DSE: variants seen among roughly 807,000 people sequenced by gnomAD.
DSE encodes the protein dermatan sulfate epimerase.
In DSE, 36 loss-of-function variants were observed where a neutral mutation model predicts 84.4. The observed-to-expected ratio is 0.43, with a 90% CI of 0.33 to 0.56. The LOEUF (loss-of-function observed/expected upper bound fraction) is 0.56, where lower values mean the gene tolerates loss of function less well. DSE is among the 20% of genes least tolerant of loss of function. The probability of loss-of-function intolerance (pLI) is 0.06; values close to 1 mark genes in which losing one functional copy is unlikely to be tolerated. For missense variants in DSE, 862 were observed against 1,169.6 expected, an observed-to-expected ratio of 0.74 and a Z score of 3.84; for synonymous variants, 410 against 430.1, an observed-to-expected ratio of 0.95 and a Z score of 0.58.
intron 2 of DSE, among the ~76,000 whole-genome samples, chr6:116,329,003 A>G (rs1380192770): frequency 2.0e-5 from 3 of 152,222 alleles, no homozygotes; most frequent in African/African-American, 7.2e-5. Context: ...TGGCAGTTCC[A>G]AGCAATATCA....
chr6:116,312,032 G>T (rs1173199028), intron 2 of DSE, among the ~76,000 whole-genome samples: 1 of 152,138 alleles, frequency 6.6e-6, no homozygotes, highest in Admixed American at 6.6e-5. Context: ...TAAGAGAGTA[G>T]AAGTACCACC....
chr6:116,398,207 A>T (rs931895875), intron 1 of DSE, among the ~76,000 whole-genome samples: 6 of 152,182 alleles, frequency 3.9e-5, no homozygotes, highest in Admixed American at 2.6e-4. Context: ...TGCCTGCTTT[A>T]TCCCAGATGT....
chr6:116,370,858 T>TC, upstream of DSE: 3 of 985,426 alleles, frequency 3.0e-6, no homozygotes, highest in Non-Finnish European at 2.4e-6. Flanking sequence ...TGCGGTTTCC[T>TC]CCCCCCTCCA....
At chr6:116,426,182 T>G (rs865826377) in intron 2 of DSE, among the ~76,000 whole-genome samples, 32 of 152,312 alleles carry the variant, frequency 2.1e-4, no homozygotes, top group African/African-American at 7.0e-4. Context: ...AGAATAGAAC[T>G]GAGAGCATCT....
intron 1 of DSE, among the ~76,000 whole-genome samples, chr6:116,390,837 T>C (rs1780857840): frequency 1.3e-5 from 2 of 152,226 alleles, no homozygotes; most frequent in Non-Finnish European, 2.9e-5. Flanking sequence ...CTACCCTCGT[T>C]TCCCTTTGCC....
chr6:116,291,881 C>G (rs959920470), intron 2 of DSE, among the ~76,000 whole-genome samples: 5 of 152,026 alleles, frequency 3.3e-5, no homozygotes, highest in African/African-American at 1.2e-4. Context: ...TTAAGGAAGA[C>G]TGATTTGTTT....
At chr6:116,405,811 C>G (rs985653021) in intron 2 of DSE, among the ~76,000 whole-genome samples, 1 of 152,048 alleles carries the variant, frequency 6.6e-6, no homozygotes, top group Non-Finnish European at 1.5e-5. Context: ...GAAGAGGACC[C>G]GAGGGAGAGG....
intron 2 of DSE, among the ~76,000 whole-genome samples, chr6:116,416,349 CTGTGTGTGTG>C (rs59237926): frequency 0.012 from 1,635 of 134,026 alleles, 35 homozygotes; most frequent in African/African-American, 0.043. Context: ...CTAATTGCCA[CTGTGTGTGTG>C]TGTGTGTGTG....
chr6:116,381,203 A>G (rs895362739), intron 1 of DSE, among the ~76,000 whole-genome samples: 1 of 152,098 alleles, frequency 6.6e-6, no homozygotes, highest in Non-Finnish European at 1.5e-5. Context: ...TGTTCTTTGA[A>G]TGAGGAAAGT....
upstream of DSE, chr6:116,366,185 A>C (rs541070871): frequency 9.9e-5 from 15 of 152,256 alleles, no homozygotes; most frequent in Non-Finnish European, 2.1e-4. Context: ...AACAATGTTA[A>C]ATGACTTGCC....
At chr6:116,396,862 A>C (rs1168851894) in intron 1 of DSE, among the ~76,000 whole-genome samples, 1 of 152,170 alleles carries the variant, frequency 6.6e-6, no homozygotes, top group Non-Finnish European at 1.5e-5. Flanking sequence ...AGGGGAGGAC[A>C]AAGAACATGA....
At chr6:116,418,331 G>A (rs1484256112) in intron 2 of DSE, among the ~76,000 whole-genome samples, 1 of 152,224 alleles carries the variant, frequency 6.6e-6, no homozygotes, top group Non-Finnish European at 1.5e-5. Flanking sequence ...GCACAGAGGA[G>A]CCTGGCTAGG....
At chr6:116,338,219 CTTTTTTTTTTTTT>C (rs893312210) in intron 2 of DSE, among the ~76,000 whole-genome samples, 1 of 91,192 alleles carries the variant, frequency 1.1e-5, no homozygotes, top group Admixed American at 1.3e-4. Context: ...TTTCTTCTTT[CTTTTTTTTTTTTT>C]TTTTTTTTTG....
chr6:116,336,420 C>T (rs998036298), intron 2 of DSE, among the ~76,000 whole-genome samples: 1 of 152,160 alleles, frequency 6.6e-6, no homozygotes, highest in African/African-American at 2.4e-5. Context: ...ATGCCACCTA[C>T]CTGAGTGATA....
intron 2 of DSE, among the ~76,000 whole-genome samples, chr6:116,360,515 A>G (rs1778830338): frequency 6.6e-6 from 1 of 152,236 alleles, no homozygotes; most frequent in African/African-American, 2.4e-5. Flanking sequence ...TTGAAAATAA[A>G]GGTCACACCA....
chr6:116,428,896 C>T (rs564803639), intron 3 of DSE, among the ~76,000 whole-genome samples: 1 of 152,216 alleles, frequency 6.6e-6, no homozygotes, highest in South Asian at 2.1e-4. Flanking sequence ...AAAAAAAATA[C>T]AGGGTATAGC....
At chr6:116,270,355 A>G (rs1230618802) in intron 2 of DSE, among the ~76,000 whole-genome samples, 1 of 152,088 alleles carries the variant, frequency 6.6e-6, no homozygotes, top group Non-Finnish European at 1.5e-5. Flanking sequence ...TCTGAACACA[A>G]CTCTTAATTG....
intron 2 of DSE, among the ~76,000 whole-genome samples, chr6:116,268,843 CA>C (rs1772747958): frequency 6.6e-6 from 1 of 151,944 alleles, no homozygotes; most frequent in African/African-American, 2.4e-5. Context: ...ATCAGCTTGG[CA>C]AAAATAGATC....
In DSE at chr6:116,339,225, C is replaced by A. The variant is rs371296957; in HGVS notation, c.-53-59973C>A. Among the ~76,000 whole-genome samples the A allele has an allele frequency of 1.7e-3, 254 of 152,228 alleles. 3 individuals are homozygous for A. The highest frequency in any genetic ancestry group is 5.4e-3 in the African/African-American group (224 of 41,546). ...GCTACTCTATGCTTCCAAAAACTTACATAATGTTAAATCTTAGAACATTTA... is the reference window on the plus strand; with the variant it reads ...GCTACTCTATGCTTCCAAAAACTTAAATAATGTTAAATCTTAGAACATTTA... On this transcript the variant is annotated intron_variant, in intron 2 of 3. Transcript: ENST00000430252.
Sources: allele counts gnomAD v4.1 joint callset (sites outside exome capture counted in the v4.1 genomes callset), GRCh38; gene constraint gnomAD v4.1.1; transcripts MANE v1.5; gene names NCBI Gene and HGNC (gene_info 2026-07-23, HGNC 2026-07-21).